Variants in PAX7 observed in about 807,000 individuals in gnomAD.
PAX7 encodes the protein paired box protein Pax-7.
A neutral mutation model predicts 50.7 loss-of-function variants in PAX7; 18 were observed. The ratio of observed to expected loss-of-function variants is 0.36; its 90% CI spans 0.25 to 0.53. PAX7 has a LOEUF of 0.53. Among genes scored for constraint, PAX7 ranks in the 20% least tolerant of loss-of-function variants. The pLI is 0.93. For missense variants in PAX7, 644 were observed against 702.9 expected (o/e 0.92, Z 0.95); for synonymous variants, 310 against 290.4 (o/e 1.07, Z -0.69).
chr1:18,714,240 T>TAAATAAATAA (rs1557546790), intron 7 of PAX7, among the ~76,000 whole-genome samples: 4 of 74,522 alleles, frequency 5.4e-5, no homozygotes, highest in South Asian at 4.1e-4. Context: ...TAAATAAATA[T>TAAATAAATAA]ACAAAAACAA....
intron 4 of PAX7, among the ~76,000 whole-genome samples, chr1:18,663,809 T>G (rs1428668929): frequency 6.6e-6 from 1 of 152,232 alleles, no homozygotes; most frequent in African/African-American, 2.4e-5. Flanking sequence ...CAGCCTGTGG[T>G]GAAAGATACG....
chr1:18,737,277 C>T (rs1389285012), intron 8 of PAX7, among the ~76,000 whole-genome samples: 1 of 152,214 alleles, frequency 6.6e-6, no homozygotes, highest in Non-Finnish European at 1.5e-5. Flanking sequence ...TGAGGGTGTC[C>T]TCTCCCCCAG....
chr1:18,683,562 G>T (rs571380680), intron 4 of PAX7, among the ~76,000 whole-genome samples: 4 of 152,202 alleles, frequency 2.6e-5, no homozygotes, highest in African/African-American at 9.6e-5. Flanking sequence ...CCCATTGGCC[G>T]GGTGCGGTGG....
chr1:18,731,964 C>T (rs2089652395), intron 7 of PAX7, among the ~76,000 whole-genome samples: 1 of 152,184 alleles, frequency 6.6e-6, no homozygotes. Flanking sequence ...TTACTCTCCG[C>T]CTTCACCTTC....
intron 5 of PAX7, among the ~76,000 whole-genome samples, chr1:18,695,537 C>T (rs1242980482): frequency 1.3e-5 from 2 of 152,224 alleles, no homozygotes; most frequent in Admixed American, 6.5e-5. Context: ...GCTCTGCCTT[C>T]CTGCAGGGGC....
chr1:18,631,712 G>C lies in PAX7; in HGVS notation c.85+24G>C, dbSNP rs746245699. The C allele has an allele frequency of 3.8e-6, 6 of 1,590,184 alleles. No homozygotes were observed. In the South Asian group the frequency reaches 6.8e-5, roughly 18 times the overall value. On this transcript the variant is annotated intron_variant, in intron 1 of 8. Coordinates refer to ENST00000420770, the MANE Select transcript of PAX7 (RefSeq NM_001135254.2). The stretch of plus-strand genomic sequence containing the variant: ...AGGTAAGAACGCCCAGGCTGGCCTC[G>C]CCGCGACTCCGCCGCCCGGAACTCG...
intron 7 of PAX7, among the ~76,000 whole-genome samples, chr1:18,734,524 C>T (rs923071418): frequency 2.0e-5 from 3 of 152,122 alleles, no homozygotes; most frequent in African/African-American, 7.2e-5. Context: ...GCTCCTGCTG[C>T]ACCACTCCCA....
At chr1:18,681,691 A>ATTTATTTTAT (rs202204301) in intron 4 of PAX7, among the ~76,000 whole-genome samples, 5,726 of 137,908 alleles carry the variant, frequency 0.042, 106 homozygotes, top group South Asian at 0.047. Flanking sequence ...AGGGCTTAGA[A>ATTTATTTTAT]TTTATTTTAT....
At chr1:18,718,537 G>A (rs2089455982) in intron 7 of PAX7, among the ~76,000 whole-genome samples, 2 of 152,138 alleles carry the variant, frequency 1.3e-5, no homozygotes, top group South Asian at 4.1e-4. Context: ...GTTCCATCTT[G>A]TAAACCTCTC....
chr1:18,651,540 G>C (rs993505246), intron 4 of PAX7, among the ~76,000 whole-genome samples: 4 of 152,240 alleles, frequency 2.6e-5, no homozygotes, highest in African/African-American at 9.6e-5. Flanking sequence ...CCATCTATCT[G>C]TTCAGATGCA....
chr1:18,645,822 C>A (rs558549807), intron 4 of PAX7, among the ~76,000 whole-genome samples: 4 of 152,166 alleles, frequency 2.6e-5, no homozygotes, highest in African/African-American at 7.2e-5. Context: ...GCTTCTGGAA[C>A]CTCTTGTTCC....
intron 7 of PAX7, among the ~76,000 whole-genome samples, chr1:18,729,210 C>T (rs1190957381): frequency 6.6e-6 from 1 of 152,220 alleles, no homozygotes; most frequent in Admixed American, 6.5e-5. Flanking sequence ...AAAATATCTC[C>T]TCTTCTCACC....
chr1:18,647,756 C>T (rs911766055), intron 4 of PAX7, among the ~76,000 whole-genome samples: 4 of 152,146 alleles, frequency 2.6e-5, no homozygotes, highest in Non-Finnish European at 5.9e-5. Context: ...TTCTTTCAGT[C>T]ACTCCCCTAT....
Position 18,746,504 on chromosome 1 carries a change from G to A in PAX7, c.*1575G>A, listed in dbSNP as rs1570255714. 5 of 230,896 alleles carry A rather than the reference G, an allele frequency of 2.2e-5. No homozygotes were observed. In the Admixed American group the frequency reaches 2.8e-4, roughly 13 times the overall value. 14.3% of individuals were successfully genotyped at this position (230,896 alleles called of 1,614,324 possible). On this transcript the variant is annotated 3_prime_UTR_variant, in exon 9 of 9. Transcript: ENST00000420770. Reference sequence around the variant, plus strand: ...AATCATATTCATCTTTACCATCACTGTCACTGTAATCTACATTCCATCACC... The same window carrying A: ...AATCATATTCATCTTTACCATCACTATCACTGTAATCTACATTCCATCACC...
intron 4 of PAX7, among the ~76,000 whole-genome samples, chr1:18,656,444 G>A (rs1226641467): frequency 1.3e-5 from 2 of 152,096 alleles, no homozygotes; most frequent in South Asian, 2.1e-4. Flanking sequence ...AGGTTGCAGC[G>A]AGCCGAGATA....
intron 1 of PAX7, among the ~76,000 whole-genome samples, chr1:18,633,025 G>T (rs1325371609): frequency 6.6e-6 from 1 of 152,208 alleles, no homozygotes; most frequent in Non-Finnish European, 1.5e-5. Context: ...AAAGTTGGGC[G>T]CTCGAGAGCT....
At chr1:18,652,457 C>A (rs988367230) in intron 4 of PAX7, among the ~76,000 whole-genome samples, 7 of 152,112 alleles carry the variant, frequency 4.6e-5, no homozygotes, top group African/African-American at 1.7e-4. Flanking sequence ...AAGGGCTTGA[C>A]AAATATAAAG....
intron 8 of PAX7, among the ~76,000 whole-genome samples, chr1:18,738,662 C>G (rs895083463): frequency 1.3e-5 from 2 of 151,994 alleles, no homozygotes; most frequent in African/African-American, 2.4e-5. Context: ...GCTCAGAGCT[C>G]CTCTTGGCCA....
At chr1:18,655,749 C>T (rs978987210) in intron 4 of PAX7, among the ~76,000 whole-genome samples, 5 of 149,796 alleles carry the variant, frequency 3.3e-5, no homozygotes, top group Non-Finnish European at 7.4e-5. Context: ...TGAACTAGAG[C>T]CACTGGGGAG....
Sources: gnomAD v4.1 joint callset for allele counts (sites outside exome capture counted in the v4.1 genomes callset) on GRCh38, gnomAD v4.1.1 for gene constraint, MANE v1.5 for transcripts, NCBI Gene and HGNC (gene_info 2026-07-23, HGNC 2026-07-21) for gene names.